Variants in TIMD4 observed in about 807,000 individuals in gnomAD.
The protein encoded by TIMD4 is T cell immunoglobulin and mucin domain containing 4.
In TIMD4, 31 loss-of-function variants were observed where a neutral mutation model predicts 41.2. The ratio of observed to expected loss-of-function variants is 0.75; its 90% confidence interval spans 0.57 to 1.01. The LOEUF (loss-of-function observed/expected upper bound fraction) is 1.01. Ranked by LOEUF, TIMD4 falls within the 50% of genes least tolerant of loss-of-function variation. The pLI is 0.00. For missense variants in TIMD4, 479 were observed against 472.5 expected, an observed-to-expected ratio of 1.01 and a Z score of -0.13; for synonymous variants, 204 against 177.1, an observed-to-expected ratio of 1.15 and a Z score of -1.21.
intron 1 of TIMD4, 66 bp downstream of exon 1, chr5:156,963,075 T>C: frequency 6.5e-7 from 1 of 1,531,274 alleles, no homozygotes; most frequent in Non-Finnish European, 9.0e-7. Context: ...AACCAGTGCA[T>C]GGAAATCCAT....
chr5:156,931,276 A>G (rs1001515899), intron 5 of TIMD4, among the ~76,000 whole-genome samples: 1 of 152,224 alleles, frequency 6.6e-6, no homozygotes, highest in African/African-American at 2.4e-5. Flanking sequence ...GTGTTAAGCC[A>G]GTAAGTTTGA....
intron 5 of TIMD4, among the ~76,000 whole-genome samples, chr5:156,935,145 A>G (rs1268860241): frequency 6.6e-6 from 1 of 152,162 alleles, no homozygotes; most frequent in Admixed American, 6.5e-5. Flanking sequence ...TGAATGTTTA[A>G]GAGTTGGGAG....
intron 1 of TIMD4, among the ~76,000 whole-genome samples, chr5:156,955,080 T>C (rs1231482197): frequency 6.6e-6 from 1 of 152,110 alleles, no homozygotes; most frequent in African/African-American, 2.4e-5. Flanking sequence ...GGGTTTCCCA[T>C]GTTGCCAGGC....
chr5:156,956,987 C>A (rs1175375406), intron 1 of TIMD4, among the ~76,000 whole-genome samples: 1 of 152,014 alleles, frequency 6.6e-6, no homozygotes, highest in Non-Finnish European at 1.5e-5. Flanking sequence ...AAGAGTCACC[C>A]ATATGGTAAG....
At chr5:156,961,044 G>T (rs540544605) in intron 1 of TIMD4, among the ~76,000 whole-genome samples, 50 of 152,198 alleles carry the variant, frequency 3.3e-4, no homozygotes, top group Non-Finnish European at 4.6e-4. Context: ...AAACACATTT[G>T]TTTTCCTTCA....
At chr5:156,933,006 A>AAAAAG (rs10628617) in intron 5 of TIMD4, among the ~76,000 whole-genome samples, 29,189 of 150,032 alleles carry the variant, frequency 0.19, 3,293 homozygotes, top group Admixed American at 0.3. Context: ...TCTGTCTCAA[A>AAAAAG]AAAAGAAAAG....
intron 1 of TIMD4, among the ~76,000 whole-genome samples, chr5:156,957,575 C>A (rs1748004999): frequency 6.6e-6 from 1 of 151,284 alleles, no homozygotes; most frequent in Non-Finnish European, 1.5e-5. Context: ...ATTTTGCCTC[C>A]CATGAATCCA....
chr5:156,961,733 G>A (rs778726838), intron 1 of TIMD4, among the ~76,000 whole-genome samples: 15 of 134,028 alleles, frequency 1.1e-4, no homozygotes, highest in Non-Finnish European at 2.1e-4. Context: ...GACCCAGGAG[G>A]CAGAGCTTGC....
At chr5:156,940,455 C>T (rs2113366861) in intron 5 of TIMD4, among the ~76,000 whole-genome samples, 1 of 152,090 alleles carries the variant, frequency 6.6e-6, no homozygotes, top group South Asian at 2.1e-4. Context: ...CCCGGCCGCC[C>T]AGCCTGGGAA....
chr5:156,938,678 C>T (rs1462078930), intron 5 of TIMD4, among the ~76,000 whole-genome samples: 3 of 152,128 alleles, frequency 2.0e-5, no homozygotes, highest in Non-Finnish European at 4.4e-5. Flanking sequence ...CGTTCAGCAG[C>T]TCCTTCCTTC....
intron 5 of TIMD4, among the ~76,000 whole-genome samples, chr5:156,943,297 T>C (rs1438547238): frequency 1.3e-5 from 2 of 152,224 alleles, no homozygotes; most frequent in Non-Finnish European, 2.9e-5. Flanking sequence ...ATTTTTCTCA[T>C]GCATTTTCTC....
In TIMD4 at chr5:156,922,133, C is replaced by T. The variant is rs767596465; in HGVS notation, c.978G>A (p.Val326=). Residue 326 remains valine, a synonymous_variant, in exon 7 of 9, where the codon GTG becomes GTA. Transcript: ENST00000274532. ...LMIIAPSLGF[V]LFALFVAFLL... is the part of the protein sequence containing the mutation. ...GAAACGCCACAAACAATGCGAAGAG[C>T]ACAAATCCCAAGGAGGGGGCGATGA... The T allele has an allele frequency of 6.2e-7, 1 of 1,613,950 alleles. No homozygotes were observed. The highest frequency in any genetic ancestry group is 8.5e-7 in the Non-Finnish European group (1 of 1,179,926).
chr5:156,936,080 T>TA (rs1013060758), intron 5 of TIMD4, among the ~76,000 whole-genome samples: 4 of 150,660 alleles, frequency 2.7e-5, no homozygotes, highest in African/African-American at 7.3e-5. Flanking sequence ...CTCTACAAAA[T>TA]AAAAAAAAAT....
At chr5:156,957,272 A>G (rs368584133) in intron 1 of TIMD4, among the ~76,000 whole-genome samples, 8 of 152,032 alleles carry the variant, frequency 5.3e-5, no homozygotes, top group African/African-American at 1.9e-4. Context: ...CCAGCACTTT[A>G]GGAGGCAGAG....
At chr5:156,944,668 C>T (rs1404663771) in intron 5 of TIMD4, among the ~76,000 whole-genome samples, 1 of 152,054 alleles carries the variant, frequency 6.6e-6, no homozygotes, top group Admixed American at 6.5e-5. Flanking sequence ...CCACGCCTGG[C>T]TAATTTTTTG....
chr5:156,954,432 C>T lies in TIMD4; in HGVS notation c.383G>A (p.Arg128His), dbSNP rs774551130. ...GWFNDVKINV[R>H]LNLQRASTTT... ...GTGCTTACCTCTCTGTAGATTCAGG[C>T]GCACGTTTATCTTTACATCGTTGAA... Residue 128 changes from arginine to histidine, a missense_variant, in exon 2 of 9, where the codon CGC becomes CAC. Physicochemically the swap from Arg to His is conservative, Grantham distance 29. Transcript: ENST00000274532. 3.1e-6 allele frequency: 5 copies of T among 1,613,404 alleles called. No homozygotes were observed. The highest frequency in any genetic ancestry group is 2.2e-5 in the East Asian group (1 of 44,896).
intron 6 of TIMD4, among the ~76,000 whole-genome samples, chr5:156,923,909 C>T (rs1455577629): frequency 6.6e-6 from 1 of 151,956 alleles, no homozygotes; most frequent in Non-Finnish European, 1.5e-5. Context: ...ACAAACAAGG[C>T]TCACTGCAGC....
intron 5 of TIMD4, among the ~76,000 whole-genome samples, 156 bp downstream of exon 5, chr5:156,948,260 G>A (rs1235843901): frequency 6.6e-6 from 1 of 150,484 alleles, no homozygotes; most frequent in Non-Finnish European, 1.5e-5. Context: ...GCCAAGGCAG[G>A]AGGATCACTT....
intron 6 of TIMD4, among the ~76,000 whole-genome samples, chr5:156,925,225 G>A (rs59143323): frequency 0.29 from 43,990 of 152,124 alleles, 6,725 homozygotes; most frequent in African/African-American, 0.38. Flanking sequence ...CAGGAGAATC[G>A]CTTGAACCCA....
Sources: gnomAD v4.1 joint callset for allele counts (sites outside exome capture counted in the v4.1 genomes callset) on GRCh38, gnomAD v4.1.1 for gene constraint, MANE v1.5 for transcripts, NCBI Gene and HGNC (gene_info 2026-07-23, HGNC 2026-07-21) for gene names.